Variants in NAV3 observed in about 807,000 individuals in gnomAD.
NAV3 encodes pore membrane and/or filament interacting like protein 1.
NAV3 carries 87 observed loss-of-function variants against 244.7 expected under a neutral mutation model. The ratio of observed to expected loss-of-function variants is 0.36; its 90% CI spans 0.30 to 0.42. The LOEUF (loss-of-function observed/expected upper bound fraction) is 0.42, where lower values mean the gene tolerates loss of function less well. NAV3 is among the 20% of genes least tolerant of loss of function. The pLI is 1.00. For synonymous variants in NAV3, 1,126 were observed against 1,042.2 expected (o/e 1.08, Z -1.55); for missense variants, 2,663 against 2,893.3 (o/e 0.92, Z 1.83).
intron 31 of NAV3, among the ~76,000 whole-genome samples, chr12:78,186,062 C>T (rs1432064333): frequency 2.0e-5 from 3 of 151,762 alleles, no homozygotes; most frequent in African/African-American, 4.8e-5. Context: ...TCAATATGGT[C>T]TTTATACAAA....
chr12:77,593,318 A>G (rs762155622), intron 2 of NAV3, among the ~76,000 whole-genome samples: 47 of 151,604 alleles, frequency 3.1e-4, no homozygotes, highest in Non-Finnish European at 2.2e-4. Context: ...CTTAGGGTTT[A>G]AACAGTATAA....
At chr12:78,205,187 A>G (rs1186691566) in intron 39 of NAV3, 49 bp downstream of exon 39, 3 of 1,509,118 alleles carry the variant, frequency 2.0e-6, no homozygotes, top group East Asian at 2.3e-5. Flanking sequence ...ACTACAGTGT[A>G]TAGTCATTAA....
At chr12:77,847,231 T>C (rs1592767895) in intron 1 of NAV3, among the ~76,000 whole-genome samples, 1 of 152,172 alleles carries the variant, frequency 6.6e-6, no homozygotes, top group African/African-American at 2.4e-5. Context: ...CACCCAAAAT[T>C]ATCAGAGGCA....
At chr12:77,748,278 G>T (rs1868661059) in intron 2 of NAV3, among the ~76,000 whole-genome samples, 1 of 152,126 alleles carries the variant, frequency 6.6e-6, no homozygotes, top group Admixed American at 6.5e-5. Context: ...CTATAAAGCT[G>T]CTAGAGCAAT....
chr12:78,079,541 C>T (rs1953240924), intron 12 of NAV3, among the ~76,000 whole-genome samples: 1 of 152,162 alleles, frequency 6.6e-6, no homozygotes, highest in South Asian at 2.1e-4. Context: ...ATAAAGATTA[C>T]ATAAGATAGC....
chr12:78,110,259 A>G (rs1297960760), intron 12 of NAV3, among the ~76,000 whole-genome samples: 1 of 152,076 alleles, frequency 6.6e-6, no homozygotes, highest in African/African-American at 2.4e-5. Flanking sequence ...GCACAAAACT[A>G]CAAAACACTG....
At chr12:77,715,647 A>G (rs1876325403) in intron 2 of NAV3, among the ~76,000 whole-genome samples, 1 of 152,046 alleles carries the variant, frequency 6.6e-6, no homozygotes, top group Admixed American at 6.6e-5. Context: ...TAAACCATTT[A>G]TAATTTTTGA....
chr12:78,138,652 C>G (rs1032195295), intron 19 of NAV3, among the ~76,000 whole-genome samples: 1 of 152,136 alleles, frequency 6.6e-6, no homozygotes, highest in Non-Finnish European at 1.5e-5. Context: ...GGTTCTGTTG[C>G]TCTCTTCACA....
upstream of NAV3, among the ~76,000 whole-genome samples, chr12:77,827,879 G>C (rs1476593703): frequency 6.6e-6 from 1 of 152,192 alleles, no homozygotes; most frequent in Non-Finnish European, 1.5e-5. Context: ...TAAGGAAGCA[G>C]AGATTTGCTT....
Position 77,816,510 on chromosome 12 carries a change from T to A in NAV3, c.73-123809T>A, listed in dbSNP as rs575201788. Among the ~76,000 whole-genome samples, 4 of 152,296 alleles carry A rather than the reference T, an allele frequency of 2.6e-5. No homozygotes were observed. The South Asian group carries it at 8.3e-4, about 32-fold the overall frequency. ...GTTCTTTATCCAATGCAAGCACAAA[T>A]TACCAGGCAAAGCACAGGTAAAGCC... On this transcript the variant is annotated intron_variant, in intron 2 of 8. Transcript: ENST00000550042.
intron 2 of NAV3, among the ~76,000 whole-genome samples, chr12:77,728,869 C>T (rs1259615766): frequency 2.3e-5 from 3 of 131,838 alleles, no homozygotes; most frequent in Non-Finnish European, 3.3e-5. Context: ...TCACTTCTGC[C>T]TCTGCTACCC....
intron 2 of NAV3, among the ~76,000 whole-genome samples, chr12:77,647,276 C>T (rs776612073): frequency 2.0e-5 from 3 of 152,004 alleles, no homozygotes; most frequent in East Asian, 3.9e-4. Flanking sequence ...AGAGGAGTAA[C>T]ATTTCTTGGT....
intron 2 of NAV3, among the ~76,000 whole-genome samples, chr12:77,719,860 G>C (rs2137288752): frequency 6.6e-6 from 1 of 152,202 alleles, no homozygotes; most frequent in East Asian, 1.9e-4. Flanking sequence ...AAGAATTTGG[G>C]AAGAATTTTC....
At chr12:77,631,301 G>T (rs1402968262) in intron 2 of NAV3, among the ~76,000 whole-genome samples, 2 of 151,816 alleles carry the variant, frequency 1.3e-5, no homozygotes. Context: ...ACTCTTTCAG[G>T]ACACCAGGGT....
chr12:77,952,706 T>C (rs1891015616), intron 3 of NAV3, among the ~76,000 whole-genome samples: 1 of 152,132 alleles, frequency 6.6e-6, no homozygotes. Context: ...CCTCTGCTTC[T>C]CCCTTCCCTA....
chr12:77,736,191 C>G (rs1348686680), intron 2 of NAV3, among the ~76,000 whole-genome samples: 1 of 152,154 alleles, frequency 6.6e-6, no homozygotes. Flanking sequence ...TCTGTCTTAT[C>G]AAATACTCAG....
intron 9 of NAV3, among the ~76,000 whole-genome samples, chr12:78,047,517 A>G (rs982125001): frequency 6.6e-6 from 1 of 152,154 alleles, no homozygotes; most frequent in African/African-American, 2.4e-5. Context: ...AAACAAAAAA[A>G]TGAACGTTGA....
chr12:78,091,516 G>A (rs1953930619), intron 12 of NAV3: 2 of 152,156 alleles, frequency 1.3e-5, no homozygotes, highest in South Asian at 4.1e-4. Context: ...TTCACCTGTG[G>A]CCGGGCGCAG....
At chr12:77,647,836 G>A (rs949569452) in intron 2 of NAV3, among the ~76,000 whole-genome samples, 1 of 151,950 alleles carries the variant, frequency 6.6e-6, no homozygotes, top group African/African-American at 2.4e-5. Flanking sequence ...TGATTTTAAA[G>A]CACAGATCTA....
Sources: gnomAD v4.1 joint callset for allele counts (sites outside exome capture counted in the v4.1 genomes callset) on GRCh38, gnomAD v4.1.1 for gene constraint, MANE v1.5 for transcripts, NCBI Gene and HGNC (gene_info 2026-07-23, HGNC 2026-07-21) for gene names.